The following SOX5 variants were observed in gnomAD, a reference collection of about 807,000 sequenced individuals.
SOX5 encodes SRY-box transcription factor 5, also known as transcription factor SOX-5.
Under a neutral mutation model 92.0 loss-of-function variants are expected in SOX5, and 9 were observed. That is an observed-to-expected ratio of 0.10 (90% confidence interval 0.06 to 0.17). The LOEUF (loss-of-function observed/expected upper bound fraction) is 0.17. Among genes scored for constraint, SOX5 ranks in the 10% least tolerant of loss-of-function variants. The pLI is 1.00. For synonymous variants in SOX5, 344 were observed against 336.3 expected (o/e 1.02, Z -0.25); for missense variants, 642 against 944.5 (o/e 0.68, Z 4.20).
intron 8 of SOX5, among the ~76,000 whole-genome samples, chr12:23,630,323 C>G (rs1253196348): frequency 6.6e-6 from 1 of 151,846 alleles, no homozygotes; most frequent in Non-Finnish European, 1.5e-5. Flanking sequence ...TGAAAAACTA[C>G]CCTTCATGTA....
intron 1 of SOX5, among the ~76,000 whole-genome samples, chr12:23,907,357 G>A (rs979460497): frequency 6.6e-6 from 1 of 151,970 alleles, no homozygotes; most frequent in Non-Finnish European, 1.5e-5. Context: ...GTCTATTAAG[G>A]GTTGGACCAC....
chr12:24,141,678 T>G lies in SOX5; in HGVS notation c.-2+71665A>C, dbSNP rs116773113. On this transcript the variant is annotated intron_variant, in intron 4 of 4. Transcript: ENST00000446891. ...TCCTAATACACACAAATGAAAAGATTTCCCTCTCAAATGCTATAAATTGGT... is the reference window on the plus strand; with the variant it reads ...TCCTAATACACACAAATGAAAAGATGTCCCTCTCAAATGCTATAAATTGGT... 2.7e-3 allele frequency among the ~76,000 whole-genome samples: 408 copies of G among 151,746 alleles called. 2 individuals carry two copies. The highest frequency in any genetic ancestry group is 9.3e-3 in the African/African-American group (387 of 41,492).
chr12:23,807,203 T>TA (rs1211890253), intron 3 of SOX5, among the ~76,000 whole-genome samples: 1 of 152,240 alleles, frequency 6.6e-6, no homozygotes, highest in East Asian at 1.9e-4. Context: ...TTGGCCCATC[T>TA]ATCCATTTGT....
intron 3 of SOX5, among the ~76,000 whole-genome samples, chr12:24,270,788 A>G (rs1454252174): frequency 6.6e-6 from 1 of 152,212 alleles, no homozygotes; most frequent in Non-Finnish European, 1.5e-5. Context: ...TAGTTGGCCT[A>G]GAATCATCCT....
chr12:23,835,834 T>C (rs1002419743), intron 3 of SOX5, among the ~76,000 whole-genome samples: 2 of 151,772 alleles, frequency 1.3e-5, no homozygotes, highest in African/African-American at 4.8e-5. Flanking sequence ...GGCTGAAAAG[T>C]GACCCTGACT....
At chr12:24,461,665 T>C (rs988644153) in intron 1 of SOX5, among the ~76,000 whole-genome samples, 75 of 152,324 alleles carry the variant, frequency 4.9e-4, no homozygotes, top group African/African-American at 1.7e-3. Flanking sequence ...TCTAGTAATT[T>C]TTCAAACTTT....
At chr12:23,890,156 C>A (rs2097113783) in intron 2 of SOX5, among the ~76,000 whole-genome samples, 1 of 152,088 alleles carries the variant, frequency 6.6e-6, no homozygotes, top group Non-Finnish European at 1.5e-5. Flanking sequence ...CCCATCTCTA[C>A]TAAAAACACA....
intron 3 of SOX5, among the ~76,000 whole-genome samples, chr12:23,843,363 A>C (rs1398236397): frequency 6.6e-6 from 1 of 152,168 alleles, no homozygotes; most frequent in Non-Finnish European, 1.5e-5. Context: ...CATTATTTTA[A>C]CAAATATACC....
chr12:24,336,449 A>G lies in SOX5; in HGVS notation c.-174+32114T>C, dbSNP rs139458473. Among the ~76,000 whole-genome samples the G allele has an allele frequency of 5.8e-4, 89 of 152,236 alleles. 1 individual carries two copies. The East Asian group carries it at 0.015, about 25-fold the overall frequency. On this transcript the variant is annotated intron_variant, in intron 2 of 4. Coordinates refer to the SOX5 transcript ENST00000446891. ...ATAACACATCAGACAATCATTCAAC[A>G]CTGTACCAAGAATGTTTTGAGATTG...
At chr12:23,957,760 A>G (rs1946447296) in intron 4 of SOX5, among the ~76,000 whole-genome samples, 1 of 152,192 alleles carries the variant, frequency 6.6e-6, no homozygotes, top group Non-Finnish European at 1.5e-5. Context: ...TGAAAATATA[A>G]TATACGCATT....
chr12:23,686,248 G>GA (rs999771496), intron 6 of SOX5, among the ~76,000 whole-genome samples: 4 of 152,064 alleles, frequency 2.6e-5, no homozygotes, highest in East Asian at 1.9e-4. Flanking sequence ...AATTCAGAAT[G>GA]AAAAAAAATT....
At chr12:24,091,499 G>A (rs34544502) in intron 4 of SOX5, among the ~76,000 whole-genome samples, 4,983 of 142,896 alleles carry the variant, frequency 0.035, 140 homozygotes, top group Middle Eastern at 0.12. Flanking sequence ...GCGCGATCTC[G>A]GCTCACTGCA....
intron 1 of SOX5, among the ~76,000 whole-genome samples, chr12:24,453,546 C>T (rs1942618495): frequency 1.3e-5 from 2 of 152,272 alleles, no homozygotes; most frequent in Non-Finnish European, 2.9e-5. Flanking sequence ...AGAGCCTCTC[C>T]AGTTCTAGGT....
At chr12:24,382,033 G>A (rs1471233944) in intron 1 of SOX5, among the ~76,000 whole-genome samples, 1 of 152,178 alleles carries the variant, frequency 6.6e-6, no homozygotes, top group Non-Finnish European at 1.5e-5. Flanking sequence ...ACTATCCTGG[G>A]CTCTAGAGAT....
At chr12:23,640,724 G>C (rs74071390) in intron 8 of SOX5, 88 bp downstream of exon 8, 11 of 859,052 alleles carry the variant, frequency 1.3e-5, no homozygotes, top group Non-Finnish European at 2.0e-5. Context: ...CGAATATCAC[G>C]AGTCAGTTTT....
chr12:24,050,244 T>C (rs1427413343), intron 4 of SOX5, among the ~76,000 whole-genome samples: 3 of 152,086 alleles, frequency 2.0e-5, no homozygotes, highest in Admixed American at 6.5e-5. Context: ...TCACCAGTCA[T>C]ATGGTTTCAA....
chr12:23,736,021 G>A (rs1054935404), intron 5 of SOX5, among the ~76,000 whole-genome samples: 2 of 152,128 alleles, frequency 1.3e-5, no homozygotes, highest in African/African-American at 2.4e-5. Flanking sequence ...AAGAGTGCAT[G>A]AATAGATGAG....
chr12:23,575,475 T>C (rs186861478), intron 10 of SOX5, among the ~76,000 whole-genome samples, 186 bp downstream of exon 10: 72 of 152,346 alleles, frequency 4.7e-4, no homozygotes, highest in African/African-American at 1.7e-3. Context: ...AGGAGGGCAT[T>C]ATAACTTAGA....
intron 4 of SOX5, among the ~76,000 whole-genome samples, chr12:23,967,708 A>T (rs1947760021): frequency 6.6e-6 from 1 of 152,202 alleles, no homozygotes; most frequent in Admixed American, 6.5e-5. Context: ...CAAGAGAATG[A>T]AGGATTGGAA....
Sources: gnomAD v4.1 joint callset for allele counts (sites outside exome capture counted in the v4.1 genomes callset) on GRCh38, gnomAD v4.1.1 for gene constraint, MANE v1.5 for transcripts, NCBI Gene and HGNC (gene_info 2026-07-23, HGNC 2026-07-21) for gene names.